The following FHIT variants were observed in gnomAD, a reference collection of about 807,000 sequenced individuals.
FHIT encodes bis(5'-adenosyl)-triphosphatase.
A neutral mutation model predicts 17.9 loss-of-function variants in FHIT; 19 were observed. The ratio of observed to expected loss-of-function variants is 1.06; its 90% CI spans 0.74 to 1.56. FHIT has a LOEUF of 1.56. Among genes scored for constraint, FHIT ranks in the 40% most tolerant of loss-of-function variants. FHIT has a pLI of 0.00. For synonymous variants in FHIT, 81 were observed against 69.7 expected (o/e 1.16, Z -0.81); for missense variants, 248 against 189.2 (o/e 1.31, Z -1.82).
intron 5 of FHIT, among the ~76,000 whole-genome samples, chr3:60,444,786 T>C (rs2031200672): frequency 6.6e-6 from 1 of 151,632 alleles, no homozygotes. Context: ...ATGGCACATG[T>C]ATACATATGT....
intron 2 of FHIT, among the ~76,000 whole-genome samples, chr3:61,096,643 G>A (rs148594655): frequency 1.1e-4 from 16 of 152,322 alleles, no homozygotes; most frequent in African/African-American, 3.6e-4. Flanking sequence ...TCTCTAGGGT[G>A]TTGAGCCAGA....
chr3:60,893,382 C>T (rs1553761134), intron 3 of FHIT, among the ~76,000 whole-genome samples: 3 of 152,258 alleles, frequency 2.0e-5, no homozygotes, highest in Admixed American at 6.5e-5. Context: ...CATTTGTATG[C>T]TTTTCTCTTA....
intron 5 of FHIT, among the ~76,000 whole-genome samples, chr3:60,509,840 A>G (rs567516392): frequency 4.1e-4 from 63 of 152,234 alleles, no homozygotes; most frequent in Non-Finnish European, 7.9e-4. Context: ...AAGGAATAGG[A>G]AGAAAATATT....
chr3:60,193,852 G>A (rs1336348797), intron 5 of FHIT, among the ~76,000 whole-genome samples: 1 of 152,140 alleles, frequency 6.6e-6, no homozygotes, highest in African/African-American at 2.4e-5. Context: ...CAGCCAAAGT[G>A]GTTCAGGAAA....
intron 5 of FHIT, among the ~76,000 whole-genome samples, chr3:60,157,138 T>C (rs1217811210): frequency 6.6e-6 from 1 of 152,176 alleles, no homozygotes; most frequent in Non-Finnish European, 1.5e-5. Context: ...GCACATGATG[T>C]AATAATGGTT....
intron 8 of FHIT, among the ~76,000 whole-genome samples, chr3:59,882,858 C>A (rs151138980): frequency 2.6e-5 from 4 of 152,280 alleles, no homozygotes; most frequent in African/African-American, 9.6e-5. Flanking sequence ...AAGCCTAAAG[C>A]TGATCTACAG....
intron 5 of FHIT, among the ~76,000 whole-genome samples, chr3:60,197,370 G>A (rs1702697677): frequency 6.6e-6 from 1 of 152,026 alleles, no homozygotes; most frequent in African/African-American, 2.4e-5. Flanking sequence ...GATACAGTGG[G>A]TTAAATAAAA....
At chr3:60,543,607 T>C (rs2036255999) in intron 4 of FHIT, among the ~76,000 whole-genome samples, 1 of 152,208 alleles carries the variant, frequency 6.6e-6, no homozygotes, top group Admixed American at 6.5e-5. Context: ...ATAAATGGTA[T>C]CTTATTATTG....
rs547913422 is a variant in FHIT at position 60,059,413 on chromosome 3, G to C, written c.104-45261C>G. On this transcript the variant is annotated intron_variant, in intron 5 of 9. Coordinates refer to ENST00000492590, the MANE Select transcript of FHIT (RefSeq NM_002012.4). Reference sequence around the variant, plus strand: ...CACACATGTGGGTGGCCCACCTTAAGAGAAGAACCATGGGAAAAGGGACAC... The same window carrying C: ...CACACATGTGGGTGGCCCACCTTAACAGAAGAACCATGGGAAAAGGGACAC... 5.0e-4 allele frequency among the ~76,000 whole-genome samples: 76 copies of C among 152,130 alleles called. 1 individual carries two copies. The highest frequency in any genetic ancestry group is 7.3e-4 in the Non-Finnish European group (50 of 68,028).
chr3:60,686,393 T>C (rs1418865558), intron 4 of FHIT, among the ~76,000 whole-genome samples: 47 of 152,146 alleles, frequency 3.1e-4, no homozygotes, highest in Admixed American at 3.1e-3. Context: ...GGTTTTGTAA[T>C]GAAAAGTAAT....
intron 4 of FHIT, among the ~76,000 whole-genome samples, chr3:60,821,245 G>C (rs1701919734): frequency 6.6e-6 from 1 of 152,088 alleles, no homozygotes; most frequent in Non-Finnish European, 1.5e-5. Context: ...CAAAGTGCTG[G>C]GATTACAGGC....
intron 5 of FHIT, among the ~76,000 whole-genome samples, chr3:60,239,475 G>C (rs1452303608): frequency 6.6e-6 from 1 of 152,150 alleles, no homozygotes; most frequent in East Asian, 1.9e-4. Flanking sequence ...TAAGGCAGGA[G>C]TGTGGCTTAT....
intron 2 of FHIT, among the ~76,000 whole-genome samples, chr3:61,173,299 C>T (rs900602055): frequency 2.0e-5 from 3 of 151,986 alleles, no homozygotes; most frequent in African/African-American, 7.2e-5. Context: ...TTTTAAAAAA[C>T]TCAAACAGCT....
In FHIT at chr3:59,928,206, T is replaced by C. The variant is rs138150441; in HGVS notation, c.280-5792A>G. ...AACAGACGATACTGTGGTAAAACGATAATGGCCACCTTCAAAGTTATCCAT... is the reference window on the plus strand; with the variant it reads ...AACAGACGATACTGTGGTAAAACGACAATGGCCACCTTCAAAGTTATCCAT... On this transcript the variant is annotated intron_variant, in intron 7 of 9. Coordinates refer to ENST00000492590, the MANE Select transcript of FHIT (RefSeq NM_002012.4). 2.4e-3 allele frequency among the ~76,000 whole-genome samples: 372 copies of C among 152,338 alleles called. 2 individuals are homozygous for C. Among genetic ancestry groups the C allele is most frequent in the African/African-American group, 8.5e-3 (354 of 41,586 alleles).
chr3:59,988,240 A>G (rs1237964000), intron 7 of FHIT, among the ~76,000 whole-genome samples: 1 of 152,092 alleles, frequency 6.6e-6, no homozygotes, highest in African/African-American at 2.4e-5. Flanking sequence ...AAAAATGCAC[A>G]AACAACCTGA....
At chr3:59,971,048 G>C (rs913780863) in intron 7 of FHIT, among the ~76,000 whole-genome samples, 2 of 151,986 alleles carry the variant, frequency 1.3e-5, no homozygotes, top group Non-Finnish European at 2.9e-5. Context: ...CCAGATTGGA[G>C]GTCTGGAGAA....
intron 5 of FHIT, among the ~76,000 whole-genome samples, chr3:60,467,684 T>C (rs1313531377): frequency 1.3e-5 from 2 of 152,112 alleles, no homozygotes; most frequent in African/African-American, 4.8e-5. Flanking sequence ...TCAGAGAAGA[T>C]ATTTGACATA....
At chr3:60,551,182 G>A (rs2036533826) in intron 4 of FHIT, among the ~76,000 whole-genome samples, 1 of 151,872 alleles carries the variant, frequency 6.6e-6, no homozygotes, top group African/African-American at 2.4e-5. Flanking sequence ...GAGGTGAGGA[G>A]ATGGGTTTGA....
chr3:60,521,489 C>T (rs140194873), intron 5 of FHIT, among the ~76,000 whole-genome samples: 10,377 of 152,136 alleles, frequency 0.068, 477 homozygotes, highest in Non-Finnish European at 0.099. Context: ...CTTCGTGATC[C>T]GCCCACCTCG....
Sources: gnomAD v4.1 joint callset for allele counts (sites outside exome capture counted in the v4.1 genomes callset) on GRCh38, gnomAD v4.1.1 for gene constraint, MANE v1.5 for transcripts, NCBI Gene and HGNC (gene_info 2026-07-23, HGNC 2026-07-21) for gene names.